The following GSK3B variants were observed in gnomAD, a reference collection of about 807,000 sequenced individuals.
The protein encoded by GSK3B is glycogen synthase kinase 3 beta.
A neutral mutation model predicts 56.4 loss-of-function variants in GSK3B; 15 were observed. The ratio of observed to expected loss-of-function variants is 0.27; its 90% CI spans 0.18 to 0.41. The LOEUF is 0.41. Among genes scored for constraint, GSK3B ranks in the 10% least tolerant of loss-of-function variants. The probability of loss-of-function intolerance (pLI) is 1.00; values close to 1 mark genes in which losing one functional copy is unlikely to be tolerated. For synonymous variants in GSK3B, 181 were observed against 188.9 expected (o/e 0.96, Z 0.34); for missense variants, 300 against 513.4 (o/e 0.58, Z 4.02).
At chr3:120,038,312 C>G (rs2058038537) in intron 1 of GSK3B, among the ~76,000 whole-genome samples, 1 of 152,194 alleles carries the variant, frequency 6.6e-6, no homozygotes, top group African/African-American at 2.4e-5. Flanking sequence ...TGCCTGTAAT[C>G]CCAGTGCTTT....
chr3:119,935,718 CA>C (rs1245422899), intron 3 of GSK3B, among the ~76,000 whole-genome samples: 1 of 152,068 alleles, frequency 6.6e-6, no homozygotes, highest in Non-Finnish European at 1.5e-5. Context: ...AAAACAGAAG[CA>C]GAGGGAATAC....
intron 2 of GSK3B, among the ~76,000 whole-genome samples, chr3:119,974,943 C>T (rs1232376708): frequency 2.0e-5 from 3 of 152,198 alleles, no homozygotes; most frequent in Non-Finnish European, 4.4e-5. Flanking sequence ...CAAAACTAAA[C>T]TTACTCTTAC....
At chr3:120,005,825 C>T (rs1373119147) in intron 1 of GSK3B, among the ~76,000 whole-genome samples, 2 of 152,058 alleles carry the variant, frequency 1.3e-5, no homozygotes, top group African/African-American at 4.8e-5. Flanking sequence ...CAAAAACATG[C>T]CAAATTATAA....
At chr3:119,985,861 G>T (rs2057511044) in intron 2 of GSK3B, among the ~76,000 whole-genome samples, 2 of 152,100 alleles carry the variant, frequency 1.3e-5, no homozygotes, top group Admixed American at 1.3e-4. Flanking sequence ...AATCAAAAAA[G>T]AGCCTGAATT....
chr3:119,940,095 AGTGTGTGTGTGTGTTT>A (rs1320779050), intron 3 of GSK3B, among the ~76,000 whole-genome samples: 1 of 133,882 alleles, frequency 7.5e-6, no homozygotes, highest in Non-Finnish European at 1.5e-5. Flanking sequence ...CAGTAACAAA[AGTGTGTGTGTGTGTTT>A]GTGTGTGTGT....
At chr3:119,890,751 A>C (rs2056492747) in intron 7 of GSK3B, among the ~76,000 whole-genome samples, 1 of 151,690 alleles carries the variant, frequency 6.6e-6, no homozygotes, top group Non-Finnish European at 1.5e-5. Flanking sequence ...AAGTAAAAAA[A>C]AAAAAAAAAG....
intron 7 of GSK3B, among the ~76,000 whole-genome samples, chr3:119,894,801 T>C (rs563683507): frequency 1.3e-4 from 20 of 152,286 alleles, no homozygotes; most frequent in Non-Finnish European, 2.6e-4. Flanking sequence ...GTTACATGTA[T>C]GAAAATATTG....
At chr3:119,982,227 C>G (rs981741897) in intron 2 of GSK3B, among the ~76,000 whole-genome samples, 2 of 152,114 alleles carry the variant, frequency 1.3e-5, no homozygotes, top group Non-Finnish European at 2.9e-5. Flanking sequence ...CATCAAAGAA[C>G]GAAGGTAGAT....
At chr3:119,992,131 A>G (rs2057571678) in intron 2 of GSK3B, among the ~76,000 whole-genome samples, 1 of 152,106 alleles carries the variant, frequency 6.6e-6, no homozygotes, top group Admixed American at 6.5e-5. Flanking sequence ...AAGTTCATAT[A>G]GAAAAATAAA....
At chr3:119,907,760 T>C (rs1411334620) in intron 6 of GSK3B, among the ~76,000 whole-genome samples, 1 of 152,156 alleles carries the variant, frequency 6.6e-6, no homozygotes, top group Non-Finnish European at 1.5e-5. Flanking sequence ...TAAGACATGA[T>C]AAAGTTAAAC....
chr3:119,881,850 A>G (rs2056382430), intron 7 of GSK3B, among the ~76,000 whole-genome samples: 2 of 152,174 alleles, frequency 1.3e-5, no homozygotes, highest in Non-Finnish European at 2.9e-5. Context: ...TGCTGTTCTC[A>G]TTATAGTGAA....
chr3:119,869,234 A>AAAAC (rs2056222301), intron 8 of GSK3B, among the ~76,000 whole-genome samples: 1 of 150,362 alleles, frequency 6.7e-6, no homozygotes, highest in African/African-American at 2.5e-5. Context: ...AAAAAAAAAA[A>AAAAC]AAAAAAAAAA....
At position 119,851,704 on chromosome 3, in the gene GSK3B, A is replaced by C. The variant is rs550498356; in HGVS notation, c.1097-8351T>G. ...GCAGATCTCCAAAAAGGAGTTACTA[A>C]AATAAGCAGACATTCTTTTTCTTCT... On this transcript the variant is annotated intron_variant, in intron 9 of 10. Coordinates refer to ENST00000264235, the MANE Select transcript of GSK3B (RefSeq NM_001146156.2). Among the ~76,000 whole-genome samples the C allele has an allele frequency of 2.6e-5, 4 of 152,276 alleles. No homozygotes were observed. In the East Asian group the frequency reaches 7.7e-4, roughly 29 times the overall value.
chr3:120,006,224 A>C (rs1298175419), intron 1 of GSK3B, among the ~76,000 whole-genome samples: 2 of 152,180 alleles, frequency 1.3e-5, no homozygotes, highest in Admixed American at 1.3e-4. Context: ...ACTATCCTAA[A>C]ATATATGCAC....
intron 3 of GSK3B, among the ~76,000 whole-genome samples, chr3:119,945,848 G>GT (rs1181629783): frequency 3.3e-5 from 5 of 151,910 alleles, no homozygotes; most frequent in African/African-American, 1.2e-4. Flanking sequence ...GTATCATGAT[G>GT]TATCTAGTAA....
At chr3:119,962,812 T>C (rs2057284767) in intron 2 of GSK3B, among the ~76,000 whole-genome samples, 1 of 152,182 alleles carries the variant, frequency 6.6e-6, no homozygotes, top group South Asian at 2.1e-4. Context: ...TGGGAAGGTT[T>C]CAGGATGAAA....
At chr3:119,961,646 A>C (rs2057273081) in intron 2 of GSK3B, among the ~76,000 whole-genome samples, 1 of 151,884 alleles carries the variant, frequency 6.6e-6, no homozygotes, top group Admixed American at 6.6e-5. Context: ...AAAAAAAAAA[A>C]AAAAGGAAAA....
chr3:119,890,033 T>C (rs2108063877), intron 7 of GSK3B, among the ~76,000 whole-genome samples: 1 of 152,262 alleles, frequency 6.6e-6, no homozygotes, highest in African/African-American at 2.4e-5. Flanking sequence ...AGCACTGGAA[T>C]TCTGATGTGT....
chr3:119,858,483 T>C (rs1292663782), intron 9 of GSK3B, among the ~76,000 whole-genome samples: 3 of 152,234 alleles, frequency 2.0e-5, no homozygotes, highest in Non-Finnish European at 2.9e-5. Flanking sequence ...AGCTACAAAC[T>C]TTTCCTTGTA....
Sources: gnomAD v4.1 joint callset for allele counts (sites outside exome capture counted in the v4.1 genomes callset) on GRCh38, gnomAD v4.1.1 for gene constraint, MANE v1.5 for transcripts, NCBI Gene and HGNC (gene_info 2026-07-23, HGNC 2026-07-21) for gene names.